Variants in C4orf36 observed in about 807,000 individuals in gnomAD.
C4orf36 encodes the protein chromosome 4 open reading frame 36.
C4orf36 carries 11 observed loss-of-function variants against 12.2 expected under a neutral mutation model. That is an observed-to-expected ratio of 0.90 (90% confidence interval 0.57 to 1.49). C4orf36 has a LOEUF of 1.49. Ranked by LOEUF, C4orf36 falls within the 40% of genes most tolerant of loss-of-function variation. The pLI is 0.00. For missense variants in C4orf36, 137 were observed against 133.9 expected, an observed-to-expected ratio of 1.02 and a Z score of -0.11; for synonymous variants, 54 against 51.3, an observed-to-expected ratio of 1.05 and a Z score of -0.22.
At position 86,887,771 on chromosome 4, in the gene C4orf36, G is replaced by A; in HGVS notation, c.343C>T (p.Pro115Ser). 1.2e-6 allele frequency: 2 copies of A among 1,614,206 alleles called. No homozygotes were observed. Among genetic ancestry groups the A allele is most frequent in the Non-Finnish European group, 1.7e-6 (2 of 1,180,034 alleles). ...TCATGAACTGACTGTCATTTAGATG[G>A]AAGAGGTCTTCTCAAACCGGCTGGC... The part of the protein sequence containing the change: ...ERPAGLRRPL[P>S]SK The change falls in exon 4 of 5, where the codon CCA becomes TCA. Residue 115 changes from proline (P) to serine (S), a missense_variant. Coordinates refer to ENST00000295898, the MANE Select transcript of C4orf36 (RefSeq NM_144645.4).
chr4:86,913,716 A>G, the C4orf36 span: 3 of 1,598,928 alleles, frequency 1.9e-6, no homozygotes, highest in Admixed American at 1.7e-5. Flanking sequence ...ACTGGCAGAG[A>G]AGCTGACCCT....
the C4orf36 span, among the ~76,000 whole-genome samples, chr4:86,919,119 G>GGAGAGAGAGAGAGAGAGA: frequency 3.7e-3 from 543 of 145,304 alleles, 8 homozygotes; most frequent in African/African-American, 0.013. Flanking sequence ...CCCAGCTCCA[G>GGAGAGAGAGAGAGAGAGA]GAGAGAGAGA....
At chr4:86,913,760 C>T in the C4orf36 span, 7 of 1,467,886 alleles carry the variant, frequency 4.8e-6, no homozygotes, top group Non-Finnish European at 5.7e-6. Context: ...TGCCACCTAA[C>T]TCTGACATCA....
chr4:86,894,870 G>C (rs12503045), upstream of C4orf36, among the ~76,000 whole-genome samples: 69,255 of 152,000 alleles, frequency 0.46, 17,277 homozygotes, highest in South Asian at 0.68. Flanking sequence ...AGCCATCTTG[G>C]AAGCAGATGC....
At chr4:86,880,251 T>G (rs1350819885) in intron 4 of C4orf36, among the ~76,000 whole-genome samples, 1 of 152,044 alleles carries the variant, frequency 6.6e-6, no homozygotes. Flanking sequence ...GGTGAACAGA[T>G]CAGTTGAGGT....
the C4orf36 span, among the ~76,000 whole-genome samples, chr4:86,912,031 TTTG>T: frequency 2.0e-5 from 3 of 152,104 alleles, no homozygotes; most frequent in African/African-American, 7.2e-5. Flanking sequence ...CAGATAATTT[TTTG>T]TTTGTTTGTT....
At chr4:86,907,551 C>A in the C4orf36 span, among the ~76,000 whole-genome samples, 4 of 152,136 alleles carry the variant, frequency 2.6e-5, no homozygotes, top group African/African-American at 9.7e-5. Flanking sequence ...CCTGGAAGAT[C>A]TGTTTCTGCT....
At chr4:86,911,946 TG>T in the C4orf36 span, among the ~76,000 whole-genome samples, 3 of 152,222 alleles carry the variant, frequency 2.0e-5, no homozygotes, top group South Asian at 2.1e-4. Flanking sequence ...CTGCAACCTC[TG>T]CCTCCTGGGT....
At chr4:86,913,032 A>C in the C4orf36 span, among the ~76,000 whole-genome samples, 10 of 152,112 alleles carry the variant, frequency 6.6e-5, no homozygotes, top group Non-Finnish European at 1.3e-4. Flanking sequence ...CTGCTTAAAG[A>C]AGCTTTGGTC....
intron 4 of C4orf36, among the ~76,000 whole-genome samples, chr4:86,882,261 T>C (rs912658144): frequency 2.0e-5 from 3 of 152,332 alleles, no homozygotes; most frequent in East Asian, 1.9e-4. Flanking sequence ...TCAAATTCCA[T>C]CTTTTCTCAA....
chr4:86,900,946 G>A, the C4orf36 span, among the ~76,000 whole-genome samples: 1 of 151,362 alleles, frequency 6.6e-6, no homozygotes, highest in Admixed American at 6.6e-5. Flanking sequence ...CAAATTGTAA[G>A]CCAGATCATG....
chr4:86,909,376 C>T, the C4orf36 span, among the ~76,000 whole-genome samples: 1 of 152,156 alleles, frequency 6.6e-6, no homozygotes, highest in Admixed American at 6.5e-5. Context: ...TTTGAGTGGT[C>T]TCCTGTGTCA....
At chr4:86,908,013 A>G in the C4orf36 span, among the ~76,000 whole-genome samples, 1 of 152,046 alleles carries the variant, frequency 6.6e-6, no homozygotes. Context: ...TAATTTGTAT[A>G]AAGTTTCTCC....
At chr4:86,928,738 C>A in the C4orf36 span, among the ~76,000 whole-genome samples, 1 of 152,184 alleles carries the variant, frequency 6.6e-6, no homozygotes, top group Admixed American at 6.5e-5. Flanking sequence ...CAAATTCAGA[C>A]ATATTGATGT....
the C4orf36 span, among the ~76,000 whole-genome samples, chr4:86,898,331 G>T: frequency 1.3e-5 from 2 of 152,010 alleles, no homozygotes; most frequent in African/African-American, 4.8e-5. Flanking sequence ...GGCAGAGGTT[G>T]CAGTGAGCCG....
At chr4:86,929,008 G>GT in the C4orf36 span, among the ~76,000 whole-genome samples, 1 of 152,154 alleles carries the variant, frequency 6.6e-6, no homozygotes. Flanking sequence ...TTTGTTGGAT[G>GT]TCCCTGTCTG....
intron 2 of C4orf36, among the ~76,000 whole-genome samples, 153 bp from the exon 3 acceptor site, chr4:86,888,428 T>C (rs1747267135): frequency 6.6e-6 from 1 of 152,210 alleles, no homozygotes; most frequent in South Asian, 2.1e-4. Context: ...AGAGTTGTAG[T>C]TCCAGACAGG....
Position 86,887,893 on chromosome 4 carries a change from G to A in C4orf36, c.221C>T (p.Ser74Phe). Reference sequence around the variant, plus strand: ...TTCATACTCCCTTTCGAGTTTGATAGCTGAAAAAGAAAATACACAAAACAA... The same window carrying A: ...TTCATACTCCCTTTCGAGTTTGATAACTGAAAAAGAAAATACACAAAACAA... ...IKDGLLPSAE[S>F]IKLEREYEVK... Residue 74 changes from serine (S) to phenylalanine (F), a missense_variant and splice_region_variant, in exon 4 of 5, where the codon TCT becomes TTT. By Grantham distance (155) the Ser-to-Phe change is radical. Coordinates refer to ENST00000295898, the MANE Select transcript of C4orf36 (RefSeq NM_144645.4). The A allele has an allele frequency of 6.2e-7, 1 of 1,613,814 alleles. No homozygotes were observed.
chr4:86,932,647 T>C, the C4orf36 span, among the ~76,000 whole-genome samples: 1 of 151,882 alleles, frequency 6.6e-6, no homozygotes, highest in Non-Finnish European at 1.5e-5. Flanking sequence ...GTTTAACTAA[T>C]TTGTTTTTAA....
Sources: allele counts gnomAD v4.1 joint callset (sites outside exome capture counted in the v4.1 genomes callset), GRCh38; gene constraint gnomAD v4.1.1; transcripts MANE v1.5; gene names NCBI Gene and HGNC (gene_info 2026-07-23, HGNC 2026-07-21).